Variants in HEATR5A observed in about 807,000 individuals in gnomAD.
HEATR5A encodes HEAT repeat-containing protein 5A.
A neutral mutation model predicts 218.8 loss-of-function variants in HEATR5A; 178 were observed. The observed-to-expected ratio is 0.81, with a 90% CI of 0.72 to 0.92. The LOEUF (loss-of-function observed/expected upper bound fraction) is 0.92. Among genes scored for constraint, HEATR5A ranks in the 40% least tolerant of loss-of-function variants. The probability of loss-of-function intolerance (pLI) is 0.00; values close to 1 mark genes in which losing one functional copy is unlikely to be tolerated. For missense variants in HEATR5A, 2,420 were observed against 2,418.9 expected (o/e 1.00, Z -0.01); for synonymous variants, 864 against 871.6 (o/e 0.99, Z 0.15).
At chr14:31,399,787 GCCACTGTACTC>G (rs1488569642) in intron 3 of HEATR5A, among the ~76,000 whole-genome samples, 1 of 152,128 alleles carries the variant, frequency 6.6e-6, no homozygotes, top group East Asian at 1.9e-4. Context: ...TCGAGATCAC[GCCACTGTACTC>G]CAGCCTGGGT....
At chr14:31,357,057 A>G (rs2139228160) in intron 16 of HEATR5A, among the ~76,000 whole-genome samples, 1 of 152,342 alleles carries the variant, frequency 6.6e-6, no homozygotes, top group Admixed American at 6.5e-5. Flanking sequence ...CCTCTCCATG[A>G]ATCTTTCTTT....
intron 1 of HEATR5A, among the ~76,000 whole-genome samples, chr14:31,414,280 G>A (rs1197092755): frequency 3.3e-5 from 5 of 152,118 alleles, no homozygotes; most frequent in Non-Finnish European, 1.5e-5. Context: ...TGAGATTCCA[G>A]TAACAGGAAG....
At chr14:31,328,790 G>C (rs905063743) in intron 22 of HEATR5A, among the ~76,000 whole-genome samples, 1 of 151,826 alleles carries the variant, frequency 6.6e-6, no homozygotes, top group African/African-American at 2.4e-5. Flanking sequence ...TGAGGCAGGA[G>C]AATCGCTTGA....
chr14:31,323,921 C>T, intron 23 of HEATR5A, 117 bp from the exon 24 acceptor site: 3 of 640,546 alleles, frequency 4.7e-6, no homozygotes, highest in Middle Eastern at 4.1e-4. Flanking sequence ...CTATCAATTG[C>T]TACTGATCAA....
rs373447097 is a variant in HEATR5A, at chr14:31,308,956, A to C, written c.4668T>G (p.Thr1556=). The C allele has an allele frequency of 4.3e-5, 70 of 1,613,478 alleles. No homozygotes were observed. The highest frequency in any genetic ancestry group is 5.7e-5 in the Non-Finnish European group (67 of 1,179,632). ...ATIKSPEDVY[T]DRFHLILGIS... is the part of the protein sequence containing the mutation. ...GACCTAAAATAAGATGGAATCTATC[A>C]GTGTAGACATCCTCAGGGGACTTTA... Residue 1556 remains threonine (T), a synonymous_variant, in exon 29 of 36, where the codon ACT becomes ACG. Coordinates refer to ENST00000543095, the MANE Select transcript of HEATR5A (RefSeq NM_015473.4).
intron 10 of HEATR5A, among the ~76,000 whole-genome samples, chr14:31,382,872 T>G (rs2030051965): frequency 6.6e-6 from 1 of 151,396 alleles, no homozygotes; most frequent in South Asian, 2.1e-4. Flanking sequence ...TACCTCTTTT[T>G]AAAATGAACA....
chr14:31,370,245 T>A (rs552275334), intron 13 of HEATR5A, among the ~76,000 whole-genome samples: 179 of 150,286 alleles, frequency 1.2e-3, no homozygotes, highest in Middle Eastern at 6.9e-3. Flanking sequence ...AAAGGAAGAA[T>A]TTCTTATAAA....
chr14:31,304,503 C>T (rs1020243063), intron 32 of HEATR5A, among the ~76,000 whole-genome samples: 3 of 152,040 alleles, frequency 2.0e-5, no homozygotes, highest in African/African-American at 7.3e-5. Context: ...CTGCAACCTC[C>T]GCCTCCCGGG....
chr14:31,294,078 T>G lies in HEATR5A; in HGVS notation c.5646A>C (p.Leu1882=). ...PVVQIKTYQL[L]HSIFQYPNPA... is the part of the protein sequence containing the mutation. The stretch of plus-strand genomic sequence containing the variant: ...GATTTGGATACTGAAAGATGGAATG[T>G]AGGAGCTGGTAGGTCTTGATTTGTA... Residue 1882 remains leucine, a synonymous_variant, in exon 35 of 36, where the codon CTA becomes CTC. Coordinates refer to ENST00000543095, the MANE Select transcript of HEATR5A (RefSeq NM_015473.4). The G allele has an allele frequency of 6.3e-7, 1 of 1,593,230 alleles. No individual in the cohort carries two copies. Among genetic ancestry groups the G allele is most frequent in the Non-Finnish European group, 8.6e-7 (1 of 1,168,670 alleles).
At chr14:31,391,472 C>A (rs566748815) in intron 6 of HEATR5A, among the ~76,000 whole-genome samples, 1 of 151,994 alleles carries the variant, frequency 6.6e-6, no homozygotes, top group South Asian at 2.1e-4. Context: ...TCAAAGGAAT[C>A]AAAAATTTTA....
intron 13 of HEATR5A, among the ~76,000 whole-genome samples, chr14:31,366,809 C>T (rs1177777131): frequency 6.6e-6 from 1 of 152,044 alleles, no homozygotes; most frequent in Non-Finnish European, 1.5e-5. Flanking sequence ...AATATCAATA[C>T]CAACACAAGG....
intron 21 of HEATR5A, among the ~76,000 whole-genome samples, chr14:31,338,578 A>G (rs1404292549): frequency 6.6e-6 from 1 of 152,218 alleles, no homozygotes; most frequent in Non-Finnish European, 1.5e-5. Flanking sequence ...ATATGAAATA[A>G]AGTTGAGATT....
chr14:31,353,975 A>G (rs1901327455), intron 16 of HEATR5A, among the ~76,000 whole-genome samples: 1 of 151,420 alleles, frequency 6.6e-6, no homozygotes, highest in Admixed American at 6.6e-5. Flanking sequence ...ATTTTTTTTT[A>G]TTTTTAGTAG....
chr14:31,407,220 G>A (rs1230684827), intron 1 of HEATR5A, among the ~76,000 whole-genome samples: 1 of 152,160 alleles, frequency 6.6e-6, no homozygotes, highest in East Asian at 1.9e-4. Context: ...GAGCCCAGGA[G>A]GTTGAGGCAA....
At chr14:31,396,548 A>C (rs1248419344) in intron 4 of HEATR5A, among the ~76,000 whole-genome samples, 2 of 152,230 alleles carry the variant, frequency 1.3e-5, no homozygotes, top group East Asian at 3.8e-4. Flanking sequence ...GAAGGTAGAG[A>C]AGTTGGAGTT....
intron 14 of HEATR5A, among the ~76,000 whole-genome samples, chr14:31,363,092 A>G (rs182235952): frequency 1.3e-5 from 2 of 152,066 alleles, no homozygotes; most frequent in Non-Finnish European, 2.9e-5. Context: ...CAAAAAAATT[A>G]GCCAGGCATG....
At chr14:31,407,584 T>TTA (rs1039144242) in intron 1 of HEATR5A, among the ~76,000 whole-genome samples, 3 of 1,338 alleles carry the variant, frequency 2.2e-3, no homozygotes, top group African/African-American at 2.9e-3. Flanking sequence ...CTTATTTTAT[T>TTA]TATATATATA....
chr14:31,316,842 C>A (rs903727854), intron 26 of HEATR5A, among the ~76,000 whole-genome samples: 1 of 152,136 alleles, frequency 6.6e-6, no homozygotes, highest in African/African-American at 2.4e-5. Flanking sequence ...CACATACCAC[C>A]ACATCTGGCT....
rs561362841 is a variant in HEATR5A at position 31,305,850 on chromosome 14, T to G, written c.4967-673A>C. Among the ~76,000 whole-genome samples the G allele has an allele frequency of 6.6e-5, 10 of 152,304 alleles. No homozygotes were observed. In the East Asian group the frequency reaches 1.7e-3, roughly 26 times the overall value. On this transcript the variant is annotated intron_variant, in intron 31 of 35. Coordinates refer to ENST00000543095, the MANE Select transcript of HEATR5A (RefSeq NM_015473.4). ...TTAATGTCTTTAAGAAGGTGCCATG[T>G]CAGCCCTAGACTGCCTATCTCTGGC...
Sources: allele counts gnomAD v4.1 joint callset (sites outside exome capture counted in the v4.1 genomes callset), GRCh38; gene constraint gnomAD v4.1.1; transcripts MANE v1.5; gene names NCBI Gene and HGNC (gene_info 2026-07-23, HGNC 2026-07-21).